The following HMOX1 variants were observed in gnomAD, a reference collection of about 807,000 sequenced individuals.
The protein encoded by HMOX1 is heme oxygenase 1.
In HMOX1, 22 loss-of-function variants were observed where a neutral mutation model predicts 27.8. That is an observed-to-expected ratio of 0.79 (90% confidence interval 0.57 to 1.13). The LOEUF is 1.13. HMOX1 is among the 50% of genes most tolerant of loss of function. HMOX1 has a pLI of 0.00. For missense variants in HMOX1, 379 were observed against 377.7 expected (o/e 1.00, Z -0.03); for synonymous variants, 153 against 151.6 (o/e 1.01, Z -0.07).
chr22:35,390,713 A>G (rs5999815), intron 4 of HMOX1, among the ~76,000 whole-genome samples: 42,731 of 151,836 alleles, frequency 0.28, 6,413 homozygotes, highest in East Asian at 0.45. Context: ...CTCAGAAATC[A>G]TGGGAAACTC....
chr22:35,382,139 G>T, intron 1 of HMOX1, among the ~76,000 whole-genome samples: 1 of 152,102 alleles, frequency 6.6e-6, no homozygotes, highest in East Asian at 1.9e-4. Context: ...CAAACTTGGA[G>T]ATGCCGGTTC....
intron 3 of HMOX1, among the ~76,000 whole-genome samples, chr22:35,389,450 TTTCTTTCTTTCTTGCA>T (rs1569057859): frequency 3.0e-5 from 3 of 101,276 alleles, no homozygotes; most frequent in African/African-American, 2.5e-4. Context: ...CTTTCTTTCT[TTTCTTTCTTTCTTGCA>T]GAGTCTCGCC....
chr22:35,387,511 G>A (rs1411830160), intron 3 of HMOX1, among the ~76,000 whole-genome samples: 1 of 152,256 alleles, frequency 6.6e-6, no homozygotes, highest in East Asian at 1.9e-4. Flanking sequence ...AGAATCAGTT[G>A]TAGCTCTCTG....
Position 35,393,465 on chromosome 22 carries a change from C to T in HMOX1, c.737-3C>T, listed in dbSNP as rs750443833. ...AATGACCTTGCCCCATTTTCTCTTT[C>T]AGATTCTGCCCCCGTGGAGACTCCC... is the stretch of plus-strand genomic sequence containing the variant. On this transcript the variant is annotated splice_polypyrimidine_tract_variant and splice_region_variant and intron_variant, in intron 4 of 4. Transcript: ENST00000216117. 14 of 1,614,060 alleles carry T rather than the reference C, an allele frequency of 8.7e-6. No homozygotes were observed.
rs1931602659 is a variant in HMOX1 at position 35,389,257 on chromosome 22, TCTCTCTCTCTCTCTCTC to T, written c.637-590_637-574del. On this transcript the variant is annotated intron_variant, in intron 3 of 4. Transcript: ENST00000216117. ...TCTTTCTTTTTCTTTCTTTTCTCTC[TCTCTCTCTCTCTCTCTC>T]CTCTCTCTCTCTCTCTTCTTTCTTC... 2.6e-5 allele frequency among the ~76,000 whole-genome samples: 3 copies of T among 116,132 alleles called. 1 individual carries two copies. Among genetic ancestry groups the T allele is most frequent in the East Asian group, 2.4e-4 (1 of 4,120 alleles). The allele number at this position is 116,132 out of a possible 152,430, so 76.2% of individuals were successfully genotyped here.
intron 1 of HMOX1, 121 bp from the exon 2 acceptor site, chr22:35,382,985 A>G: frequency 2.9e-6 from 4 of 1,372,616 alleles, no homozygotes; most frequent in Non-Finnish European, 4.1e-6. Flanking sequence ...AGCGATTGAG[A>G]ACGTGGCCTG....
chr22:35,393,954 T>A lies in HMOX1; in HGVS notation c.*356T>A. On this transcript the variant is annotated 3_prime_UTR_variant, in exon 5 of 5. Coordinates refer to ENST00000216117, the MANE Select transcript of HMOX1 (RefSeq NM_002133.3). ...TCCTTGTTGACACGGCCATGACCAC[T>A]TTCCCCGTGGGCCATGGCAATTTTT... 2.9e-6 allele frequency: 1 copy of A among 345,386 alleles called. No individual in the cohort carries two copies. Among genetic ancestry groups the A allele is most frequent in the Non-Finnish European group, 5.7e-6 (1 of 176,236 alleles). The allele number at this position is 345,386 out of a possible 1,614,324, so 21.4% of individuals were successfully genotyped here.
rs372672366 is a variant in HMOX1 at position 35,389,395 on chromosome 22, C to CCTTTCTTTCTTTCTTTCTTT, written c.637-454_637-435dup. Among the ~76,000 whole-genome samples, 97 of 51,780 alleles carry CCTTTCTTTCTTTCTTTCTTT rather than the reference C, an allele frequency of 1.9e-3. 2 individuals carry two copies. Among genetic ancestry groups the CCTTTCTTTCTTTCTTTCTTT allele is most frequent in the South Asian group, 2.4e-3 (3 of 1,256 alleles). 34.0% of individuals were successfully genotyped at this position (51,780 alleles called of 152,430 possible). On this transcript the variant is annotated intron_variant, in intron 3 of 4. Transcript: ENST00000216117. The stretch of plus-strand genomic sequence containing the variant: ...TCCTTCCTTCCTTCCTTCCTTCCTT[C>CCTTTCTTTCTTTCTTTCTTT]CTTTCTTTCTTTCTTTCTTTCTTTC...
intron 4 of HMOX1, 85 bp from the exon 5 acceptor site, chr22:35,393,383 G>A: frequency 6.4e-7 from 1 of 1,567,654 alleles, no homozygotes; most frequent in Non-Finnish European, 8.8e-7. Context: ...CAGACCCTGA[G>A]GCCGCTCTGC....
Position 35,393,702 on chromosome 22 carries a change from G to A in HMOX1, c.*104G>A, listed in dbSNP as rs990017315. 1.0e-5 allele frequency: 14 copies of A among 1,334,594 alleles called. No homozygotes were observed. The highest frequency in any genetic ancestry group is 2.3e-5 in the East Asian group (1 of 43,386). The allele number at this position is 1,334,594 out of a possible 1,614,324, so 82.7% of individuals were successfully genotyped here. A position where few individuals can be genotyped will look rare whatever the true frequency, so the allele number is the denominator to read the frequency against. On this transcript the variant is annotated 3_prime_UTR_variant, in exon 5 of 5. Transcript: ENST00000216117. ...TGGCTTCCTTACCGTGGGCACTGAA[G>A]GCTTTCAGGGCCTCCAGCCCTCTCA...
chr22:35,391,539 G>T (rs1377469739), intron 4 of HMOX1, among the ~76,000 whole-genome samples: 1 of 149,052 alleles, frequency 6.7e-6, no homozygotes, highest in East Asian at 2.0e-4. Flanking sequence ...CGCCCGCCTC[G>T]GCCTCCCAAA....
chr22:35,393,571 A>C lies in HMOX1; in HGVS notation c.840A>C (p.Thr280=). 6.2e-7 allele frequency: 1 copy of C among 1,614,204 alleles called. No individual in the cohort carries two copies. Among genetic ancestry groups the C allele is most frequent in the Non-Finnish European group, 8.5e-7 (1 of 1,180,026 alleles). The change falls in exon 5 of 5, where the codon ACA becomes ACC. Residue 280 remains threonine (T), a synonymous_variant. Transcript: ENST00000216117. ...WVLTLSFLVA[T]VAVGLYAM ...TTACACTCAGCTTTCTGGTGGCGAC[A>C]GTTGCTGTAGGGCTTTATGCCATGT...
chr22:35,386,598 C>T (rs1931508241), intron 2 of HMOX1, 87 bp from the exon 3 acceptor site: 1 of 1,565,392 alleles, frequency 6.4e-7, no homozygotes, highest in Non-Finnish European at 8.8e-7. Context: ...GTGAGGAGGG[C>T]CTTTCCAAAG....
At position 35,388,802 on chromosome 22, in the gene HMOX1, C is replaced by CAA. The variant is rs752948668; in HGVS notation, c.637-1057_637-1056dup. ...ACAGAGTGAGACTCCGTATTAAAAA[C>CAA]AAAAAACAAACAAAAAAAAACGGCT... On this transcript the variant is annotated intron_variant, in intron 3 of 4. Transcript: ENST00000216117. 1.8e-3 allele frequency among the ~76,000 whole-genome samples: 251 copies of CAA among 139,028 alleles called. 1 individual carries two copies. The highest frequency in any genetic ancestry group is 7.1e-3 in the Middle Eastern group (2 of 280). The allele number at this position is 139,028 out of a possible 152,430, so 91.2% of individuals were successfully genotyped here. A position where few individuals can be genotyped will look rare whatever the true frequency, so the allele number is the denominator to read the frequency against.
At chr22:35,389,525 C>T (rs1333189143) in intron 3 of HMOX1, among the ~76,000 whole-genome samples, 1 of 150,866 alleles carries the variant, frequency 6.6e-6, no homozygotes, top group East Asian at 1.9e-4. Context: ...TCACTGCAAC[C>T]TCAGCTTCCC....
chr22:35,388,434 G>A (rs931237507), intron 3 of HMOX1, among the ~76,000 whole-genome samples: 2 of 148,320 alleles, frequency 1.3e-5, no homozygotes, highest in South Asian at 2.2e-4. Flanking sequence ...CCTGGGCAAC[G>A]GCAACAGAGC....
chr22:35,392,717 C>CT (rs753975375), intron 4 of HMOX1, among the ~76,000 whole-genome samples: 1,694 of 136,288 alleles, frequency 0.012, 12 homozygotes, highest in Non-Finnish European at 0.017. Flanking sequence ...TGTTTTAAAT[C>CT]TTTTTTTTTT....
rs70944257 is a variant in HMOX1, at chr22:35,389,274, C to CCT, written c.637-575_637-574dup. ...TTTCTCTCTCTCTCTCTCTCTCTCTCCTCTCTCTCTCTCTCTTCTTTCTTC... is the reference window on the plus strand; with the variant it reads ...TTTCTCTCTCTCTCTCTCTCTCTCTCCTCTCTCTCTCTCTCTCTTCTTTCTTC... On this transcript the variant is annotated intron_variant, in intron 3 of 4. Coordinates refer to ENST00000216117, the MANE Select transcript of HMOX1 (RefSeq NM_002133.3). 1.1e-4 allele frequency among the ~76,000 whole-genome samples: 11 copies of CCT among 96,084 alleles called. 1 individual carries two copies. The highest frequency in any genetic ancestry group is 2.0e-4 in the Non-Finnish European group (11 of 55,134). The allele number at this position is 96,084 out of a possible 152,430, so 63.0% of individuals were successfully genotyped here. A position where few individuals can be genotyped will look rare whatever the true frequency, so the allele number is the denominator to read the frequency against.
rs200255845 is a variant in HMOX1 at position 35,386,999 on chromosome 22, A to C, written c.459A>C (p.Lys153Asn). The C allele has an allele frequency of 9.3e-6, 15 of 1,613,892 alleles. No individual in the cohort carries two copies. In the East Asian group the frequency reaches 3.3e-4, roughly 36 times the overall value. The change falls in exon 3 of 5, where the codon AAA becomes AAC. Residue 153 changes from lysine to asparagine, a missense_variant. Transcript: ENST00000216117. ...AGGTGCTCAAAAAGATTGCCCAGAA[A>C]GCCCTGGACCTGCCCAGCTCTGGCG... is the stretch of plus-strand genomic sequence containing the variant. The part of the protein sequence containing the change: ...GGQVLKKIAQ[K>N]ALDLPSSGEG...
Sources: gnomAD v4.1 joint callset for allele counts (sites outside exome capture counted in the v4.1 genomes callset) on GRCh38, gnomAD v4.1.1 for gene constraint, MANE v1.5 for transcripts, NCBI Gene and HGNC (gene_info 2026-07-23, HGNC 2026-07-21) for gene names.